Variants in COL21A1 observed in about 807,000 individuals in gnomAD.
COL21A1 encodes collagen alpha-1(XXI) chain.
Under a neutral mutation model 137.9 loss-of-function variants are expected in COL21A1, and 149 were observed. The ratio of observed to expected loss-of-function variants is 1.08; its 90% CI spans 0.95 to 1.24. COL21A1 has a LOEUF of 1.24. COL21A1 is among the 50% of genes most tolerant of loss of function. The pLI is 0.00. For missense variants in COL21A1, 1,167 were observed against 1,158.4 expected, an observed-to-expected ratio of 1.01 and a Z score of -0.11; for synonymous variants, 456 against 391.5, an observed-to-expected ratio of 1.16 and a Z score of -1.95.
At chr6:56,306,976 G>A (rs567392934) in intron 1 of COL21A1, among the ~76,000 whole-genome samples, 1 of 152,326 alleles carries the variant, frequency 6.6e-6, no homozygotes, top group East Asian at 1.9e-4. Context: ...GTTGGAGTTT[G>A]CTGGAGGTCC....
At chr6:56,180,977 C>T (rs1271509357) in intron 2 of COL21A1, among the ~76,000 whole-genome samples, 1 of 152,220 alleles carries the variant, frequency 6.6e-6, no homozygotes, top group African/African-American at 2.4e-5. Context: ...TTCCTCTTCA[C>T]CTGACTAATA....
chr6:56,333,674 G>A (rs1056794437), intron 1 of COL21A1, among the ~76,000 whole-genome samples: 6 of 152,030 alleles, frequency 3.9e-5, no homozygotes, highest in Admixed American at 2.6e-4. Context: ...GATCATGTAG[G>A]TTAAGTTTCT....
intron 1 of COL21A1, among the ~76,000 whole-genome samples, chr6:56,223,318 G>C (rs1780969134): frequency 1.3e-5 from 2 of 151,978 alleles, no homozygotes. Flanking sequence ...CCTCTAATAT[G>C]AAGGGAAAGA....
intron 1 of COL21A1, among the ~76,000 whole-genome samples, chr6:56,346,044 C>T (rs1471333603): frequency 6.6e-6 from 1 of 152,180 alleles, no homozygotes; most frequent in Non-Finnish European, 1.5e-5. Flanking sequence ...CTTCATTTAC[C>T]TCCTACCTTT....
chr6:56,156,362 T>C (rs1025407623), intron 10 of COL21A1, among the ~76,000 whole-genome samples: 32 of 152,240 alleles, frequency 2.1e-4, no homozygotes, highest in African/African-American at 7.2e-4. Flanking sequence ...TCCCTTTTCC[T>C]TAGAGCATTT....
chr6:56,300,734 G>A (rs889253370), intron 1 of COL21A1, among the ~76,000 whole-genome samples: 11 of 152,218 alleles, frequency 7.2e-5, no homozygotes, highest in African/African-American at 1.9e-4. Flanking sequence ...ATAAATAGAA[G>A]AGGGTACAAT....
chr6:56,169,801 T>G (rs558907144), intron 5 of COL21A1, among the ~76,000 whole-genome samples: 2 of 152,138 alleles, frequency 1.3e-5, no homozygotes, highest in East Asian at 3.9e-4. Flanking sequence ...CCAGTTGCCT[T>G]GAATATCCTA....
At chr6:56,348,982 G>A (rs1765650612) in intron 1 of COL21A1, among the ~76,000 whole-genome samples, 1 of 152,198 alleles carries the variant, frequency 6.6e-6, no homozygotes, top group African/African-American at 2.4e-5. Context: ...TAAACTGAGT[G>A]ATGAAGATGC....
upstream of COL21A1, among the ~76,000 whole-genome samples, chr6:56,252,155 C>A (rs776216027): frequency 1.3e-5 from 2 of 152,184 alleles, no homozygotes; most frequent in Non-Finnish European, 2.9e-5. Flanking sequence ...CAAGATGTAG[C>A]CAAGAAACTT....
intron 12 of COL21A1, 27 bp from the exon 13 acceptor site, chr6:56,126,176 A>G: frequency 1.4e-6 from 2 of 1,477,934 alleles, no homozygotes; most frequent in South Asian, 2.5e-5. Flanking sequence ...AATTAATTAC[A>G]AAGAAAAACC....
At chr6:56,176,754 G>T (rs1214795831) in intron 3 of COL21A1, among the ~76,000 whole-genome samples, 1 of 151,838 alleles carries the variant, frequency 6.6e-6, no homozygotes, top group Non-Finnish European at 1.5e-5. Flanking sequence ...TTGTGCTTAT[G>T]ATTCACAATA....
chr6:56,386,174 C>G (rs929790805), intron 1 of COL21A1, among the ~76,000 whole-genome samples: 2 of 152,186 alleles, frequency 1.3e-5, no homozygotes, highest in Non-Finnish European at 2.9e-5. Flanking sequence ...GTCTCAAACT[C>G]CTGACCTCAG....
intron 10 of COL21A1, among the ~76,000 whole-genome samples, chr6:56,149,058 C>T (rs1775071571): frequency 6.6e-6 from 1 of 152,188 alleles, no homozygotes; most frequent in African/African-American, 2.4e-5. Context: ...ATACATTAAT[C>T]CCTTTTTCAT....
At chr6:56,314,096 TG>T in intron 1 of COL21A1, among the ~76,000 whole-genome samples, 1 of 152,156 alleles carries the variant, frequency 6.6e-6, no homozygotes, top group East Asian at 1.9e-4. Flanking sequence ...GTGATTCCCT[TG>T]CCTCAGCCTC....
chr6:56,276,269 T>C (rs1763646917), intron 1 of COL21A1, among the ~76,000 whole-genome samples: 1 of 152,190 alleles, frequency 6.6e-6, no homozygotes, highest in Non-Finnish European at 1.5e-5. Flanking sequence ...TTGGGTACTA[T>C]ACTCAGTACT....
chr6:56,195,833 T>C (rs941938240), intron 1 of COL21A1, among the ~76,000 whole-genome samples: 1 of 152,000 alleles, frequency 6.6e-6, no homozygotes, highest in Non-Finnish European at 1.5e-5. Context: ...CTCCCCAAAC[T>C]CTTCCAAAAA....
intron 1 of COL21A1, among the ~76,000 whole-genome samples, chr6:56,387,295 T>C (rs1426656362): frequency 2.0e-5 from 3 of 152,240 alleles, no homozygotes; most frequent in Admixed American, 2.0e-4. Context: ...GGATTTATCA[T>C]GCTGTTTGGG....
intron 20 of COL21A1, among the ~76,000 whole-genome samples, chr6:56,072,741 G>A (rs1024353924): frequency 2.6e-5 from 4 of 151,456 alleles, no homozygotes; most frequent in Admixed American, 6.6e-5. Flanking sequence ...CTCTAAGCCT[G>A]AAATATTTAC....
chr6:56,357,127 C>A (rs986895075), intron 1 of COL21A1, among the ~76,000 whole-genome samples: 2 of 152,162 alleles, frequency 1.3e-5, no homozygotes, highest in African/African-American at 4.8e-5. Context: ...AGCAACCATT[C>A]CTCTTGCAAA....
Sources: gnomAD v4.1 joint callset for allele counts (sites outside exome capture counted in the v4.1 genomes callset) on GRCh38, gnomAD v4.1.1 for gene constraint, MANE v1.5 for transcripts, NCBI Gene and HGNC (gene_info 2026-07-23, HGNC 2026-07-21) for gene names.